The following CAST variants were observed in gnomAD, a reference collection of about 807,000 sequenced individuals.
CAST encodes the protein MIR583 host.
A neutral mutation model predicts 119.6 loss-of-function variants in CAST; 76 were observed. The observed-to-expected ratio is 0.64, with a 90% CI of 0.53 to 0.77. The LOEUF is 0.77. Ranked by LOEUF, CAST falls within the 30% of genes least tolerant of loss-of-function variation. The pLI is 0.00. For missense variants in CAST, 953 were observed against 946.5 expected (o/e 1.01, Z -0.09); for synonymous variants, 319 against 331.6 (o/e 0.96, Z 0.41).
the CAST span, among the ~76,000 whole-genome samples, chr5:96,158,649 G>A: frequency 1.3e-5 from 2 of 152,338 alleles, no homozygotes; most frequent in South Asian, 4.1e-4. Flanking sequence ...ACATTGGTGA[G>A]AACATATTTG....
At chr5:96,552,722 G>A (rs263384) in intron 1 of CAST, among the ~76,000 whole-genome samples, 52,105 of 151,952 alleles carry the variant, frequency 0.34, 9,510 homozygotes, top group Middle Eastern at 0.46. Flanking sequence ...AAATGATAAA[G>A]TGGGTATCAC....
the CAST span, among the ~76,000 whole-genome samples, chr5:95,981,753 T>G: frequency 7.9e-5 from 12 of 152,100 alleles, no homozygotes; most frequent in Admixed American, 5.2e-4. Flanking sequence ...CATGCGCCGG[T>G]AGTCCCAGCT....
the CAST span, among the ~76,000 whole-genome samples, chr5:96,062,554 C>T: frequency 6.6e-6 from 1 of 152,246 alleles, no homozygotes; most frequent in East Asian, 1.9e-4. Context: ...ACACTTTTAT[C>T]AAGGGCCAGC....
chr5:96,684,247 G>T (rs887828751), intron 2 of CAST, among the ~76,000 whole-genome samples: 11 of 152,176 alleles, frequency 7.2e-5, no homozygotes, highest in Non-Finnish European at 1.0e-4. Context: ...CTAGAACAGT[G>T]CCTGGGACAT....
chr5:96,282,623 A>G, the CAST span, among the ~76,000 whole-genome samples: 1 of 152,138 alleles, frequency 6.6e-6, no homozygotes, highest in Non-Finnish European at 1.5e-5. Flanking sequence ...ATTCATAAAC[A>G]CCATAATTTT....
chr5:96,524,245 G>T (rs1158917988), upstream of CAST, among the ~76,000 whole-genome samples: 1 of 152,178 alleles, frequency 6.6e-6, no homozygotes, highest in Non-Finnish European at 1.5e-5. Flanking sequence ...ATGCCTAATA[G>T]ACTCTTGAGT....
the CAST span, among the ~76,000 whole-genome samples, chr5:96,286,055 C>A: frequency 5.9e-5 from 9 of 152,202 alleles, no homozygotes; most frequent in African/African-American, 2.2e-4. Context: ...AGAAACAGAG[C>A]AGTCTCACCT....
chr5:96,186,544 G>A, the CAST span, among the ~76,000 whole-genome samples: 1 of 152,180 alleles, frequency 6.6e-6, no homozygotes, highest in Non-Finnish European at 1.5e-5. Context: ...TTTATTGAGA[G>A]TTTTTAACAT....
At chr5:96,492,925 A>G in the CAST span, among the ~76,000 whole-genome samples, 1 of 152,256 alleles carries the variant, frequency 6.6e-6, no homozygotes, top group Non-Finnish European at 1.5e-5. Flanking sequence ...CCAAAATAAC[A>G]GGACGATTGA....
At chr5:96,069,917 C>T in the CAST span, among the ~76,000 whole-genome samples, 70 of 151,968 alleles carry the variant, frequency 4.6e-4, no homozygotes, top group African/African-American at 1.7e-3. Flanking sequence ...TTTGGGTGGG[C>T]GATGTGAGAG....
Position 96,740,124 on chromosome 5 carries a change from T to TGAAATAAAAG in CAST, c.879+6_879+7insGAAATAAAAG. ...AATATAGGGAACTATTGGCTGTAAG[T>TGAAATAAAAG]TAAATAATCATTTACTTTTATTTCA... On this transcript the variant is annotated splice_region_variant and intron_variant, in intron 12 of 31. Coordinates refer to ENST00000675179, the MANE Select transcript of CAST (RefSeq NM_001750.7). 7.8e-7 allele frequency: 1 copy of TGAAATAAAAG among 1,278,372 alleles called. No individual in the cohort carries two copies. The highest frequency in any genetic ancestry group is 1.1e-6 in the Non-Finnish European group (1 of 896,660). 79.2% of individuals were successfully genotyped at this position (1,278,372 alleles called of 1,614,324 possible). A position where few individuals can be genotyped will look rare whatever the true frequency, so the allele number is the denominator to read the frequency against.
intron 24 of CAST, chr5:96,761,088 A>G (rs1320411117): frequency 6.6e-6 from 1 of 152,170 alleles, no homozygotes; most frequent in African/African-American, 2.4e-5. Context: ...ATTTTTAAAG[A>G]GAGTGAAAAA....
the CAST span, among the ~76,000 whole-genome samples, chr5:96,327,146 G>A: frequency 6.6e-6 from 1 of 152,170 alleles, no homozygotes; most frequent in African/African-American, 2.4e-5. Context: ...ACTTTCCTGA[G>A]TTTCACATTT....
the CAST span, among the ~76,000 whole-genome samples, chr5:96,365,188 A>T: frequency 6.6e-6 from 1 of 152,146 alleles, no homozygotes; most frequent in Non-Finnish European, 1.5e-5. Context: ...GGTCTGAGAG[A>T]CAGTTTGTTA....
chr5:96,486,355 G>T, the CAST span, among the ~76,000 whole-genome samples: 1 of 152,098 alleles, frequency 6.6e-6, no homozygotes, highest in South Asian at 2.1e-4. Flanking sequence ...TGAATTCCCA[G>T]ATCTAGAAAC....
At chr5:96,607,120 CT>C (rs1286609103) in intron 1 of CAST, among the ~76,000 whole-genome samples, 2 of 152,110 alleles carry the variant, frequency 1.3e-5, no homozygotes, top group Non-Finnish European at 2.9e-5. Context: ...AAACCCATCT[CT>C]ACTAAAAATG....
At chr5:96,603,442 C>A (rs1747194782) in intron 1 of CAST, among the ~76,000 whole-genome samples, 1 of 152,006 alleles carries the variant, frequency 6.6e-6, no homozygotes, top group East Asian at 1.9e-4. Flanking sequence ...AACTAAGACA[C>A]CAACACACAC....
intron 20 of CAST, 129 bp from the exon 21 acceptor site, chr5:96,753,931 A>C: frequency 3.2e-6 from 2 of 615,738 alleles, no homozygotes; most frequent in Non-Finnish European, 6.0e-6. Context: ...TTCAGTTGAT[A>C]ACTCGAGTTA....
At chr5:96,672,279 G>A (rs1490032875) in intron 1 of CAST, among the ~76,000 whole-genome samples, 1 of 152,102 alleles carries the variant, frequency 6.6e-6, no homozygotes, top group Non-Finnish European at 1.5e-5. Context: ...CTGTGTGTGT[G>A]TATGCAAATA....
Sources: allele counts gnomAD v4.1 joint callset (sites outside exome capture counted in the v4.1 genomes callset), GRCh38; gene constraint gnomAD v4.1.1; transcripts MANE v1.5; gene names NCBI Gene and HGNC (gene_info 2026-07-23, HGNC 2026-07-21).